Variants in ZNF423 observed in about 807,000 individuals in gnomAD.
ZNF423 encodes Ebf-associated zinc finger protein.
In ZNF423, 12 loss-of-function variants were observed where a neutral mutation model predicts 95.8. The ratio of observed to expected loss-of-function variants is 0.13; its 90% CI spans 0.08 to 0.20. The LOEUF is 0.20. Among genes scored for constraint, ZNF423 ranks in the 10% least tolerant of loss-of-function variants. The pLI, the probability that ZNF423 is intolerant of heterozygous loss-of-function variation, is 1.00. For missense variants in ZNF423, 1,316 were observed against 1,737.1 expected, an observed-to-expected ratio of 0.76 and a Z score of 4.31; for synonymous variants, 749 against 711.9, an observed-to-expected ratio of 1.05 and a Z score of -0.83.
intron 1 of ZNF423, among the ~76,000 whole-genome samples, chr16:49,816,481 G>A (rs914056441): frequency 6.6e-6 from 1 of 152,070 alleles, no homozygotes; most frequent in African/African-American, 2.4e-5. Context: ...GCTCTCCCTG[G>A]ATATTCTTTT....
intron 5 of ZNF423, among the ~76,000 whole-genome samples, chr16:49,582,699 T>G (rs951448552): frequency 6.6e-6 from 1 of 152,196 alleles, no homozygotes. Flanking sequence ...CAAGAGGGGT[T>G]AGAGAAGGAA....
chr16:49,521,929 C>G (rs908278788), intron 7 of ZNF423, among the ~76,000 whole-genome samples: 1 of 152,214 alleles, frequency 6.6e-6, no homozygotes, highest in African/African-American at 2.4e-5. Flanking sequence ...GCTGTGCAGA[C>G]AGGCGGGCCC....
At chr16:49,800,664 A>G (rs981768072) in intron 1 of ZNF423, among the ~76,000 whole-genome samples, 1 of 152,222 alleles carries the variant, frequency 6.6e-6, no homozygotes, top group Non-Finnish European at 1.5e-5. Context: ...ACTGAGCCCA[A>G]GTGGCATCTG....
At chr16:49,712,869 T>C (rs1309011068) in intron 3 of ZNF423, among the ~76,000 whole-genome samples, 1 of 152,206 alleles carries the variant, frequency 6.6e-6, no homozygotes, top group African/African-American at 2.4e-5. Flanking sequence ...ACTGCCATTG[T>C]CCCTATGAAG....
chr16:49,728,948 G>C (rs1363419039), intron 3 of ZNF423, among the ~76,000 whole-genome samples: 2 of 152,132 alleles, frequency 1.3e-5, no homozygotes, highest in African/African-American at 4.8e-5. Flanking sequence ...GGCCAGGCTG[G>C]TCTTGGACTG....
chr16:49,787,301 A>G (rs1248973700), intron 2 of ZNF423, among the ~76,000 whole-genome samples: 1 of 151,950 alleles, frequency 6.6e-6, no homozygotes, highest in Non-Finnish European at 1.5e-5. Context: ...AAAGAAAAAA[A>G]AAGAAAAAAC....
chr16:49,693,195 C>A lies in ZNF423; in HGVS notation c.301+37576G>T, dbSNP rs570165756. On this transcript the variant is annotated intron_variant, in intron 3 of 7. Coordinates refer to ENST00000563137, the MANE Select transcript of ZNF423 (RefSeq NM_001379286.1). ...CTTCCCCTTCCTACTTCCCTCCTTT[C>A]CATTCATCAAATATCTATTAAGCAT... Among the ~76,000 whole-genome samples, 6 of 152,350 alleles carry A rather than the reference C, an allele frequency of 3.9e-5. No individual in the cohort carries two copies. In the South Asian group the frequency reaches 1.2e-3, roughly 32 times the overall value.
chr16:49,795,539 T>C (rs906109956), intron 1 of ZNF423, among the ~76,000 whole-genome samples: 11 of 152,190 alleles, frequency 7.2e-5, no homozygotes, highest in Non-Finnish European at 1.3e-4. Flanking sequence ...TCATCAGAGA[T>C]GGGATCCTTC....
At chr16:49,849,703 A>G (rs2035281799) in intron 1 of ZNF423, among the ~76,000 whole-genome samples, 1 of 152,204 alleles carries the variant, frequency 6.6e-6, no homozygotes, top group South Asian at 2.1e-4. Context: ...TTAAAAAAGA[A>G]AGAAAACGAA....
chr16:49,767,342 C>T (rs1476657855), intron 2 of ZNF423, among the ~76,000 whole-genome samples: 3 of 152,060 alleles, frequency 2.0e-5, no homozygotes, highest in African/African-American at 4.8e-5. Context: ...CAGGGAAGGC[C>T]GGGGAAAGCA....
intron 2 of ZNF423, among the ~76,000 whole-genome samples, chr16:49,741,281 G>A (rs1405429543): frequency 6.6e-6 from 1 of 151,962 alleles, no homozygotes; most frequent in Non-Finnish European, 1.5e-5. Flanking sequence ...GATCATTTGA[G>A]GTCATGAGTT....
At chr16:49,811,825 G>A (rs1318940870) in intron 1 of ZNF423, among the ~76,000 whole-genome samples, 1 of 142,696 alleles carries the variant, frequency 7.0e-6, no homozygotes, top group Non-Finnish European at 1.5e-5. Flanking sequence ...CACCCAGCCT[G>A]GAACCCCAGA....
At chr16:49,613,954 C>T (rs1289030731) in intron 5 of ZNF423, among the ~76,000 whole-genome samples, 1 of 151,776 alleles carries the variant, frequency 6.6e-6, no homozygotes, top group East Asian at 1.9e-4. Flanking sequence ...ATTGACAAAT[C>T]TAATTAAACA....
chr16:49,715,651 G>A (rs544258158), intron 3 of ZNF423, among the ~76,000 whole-genome samples: 73 of 152,222 alleles, frequency 4.8e-4, no homozygotes, highest in African/African-American at 1.7e-3. Flanking sequence ...AGGCTGAGGT[G>A]GGAAGATGGC....
intron 5 of ZNF423, among the ~76,000 whole-genome samples, chr16:49,621,341 A>G (rs1344791381): frequency 6.6e-6 from 1 of 152,178 alleles, no homozygotes; most frequent in East Asian, 1.9e-4. Context: ...AAAGGTTTCC[A>G]AAGACCCTCG....
At chr16:49,788,393 T>G (rs2034353441) in intron 2 of ZNF423, among the ~76,000 whole-genome samples, 1 of 152,246 alleles carries the variant, frequency 6.6e-6, no homozygotes, top group Non-Finnish European at 1.5e-5. Context: ...CACTTTCTTG[T>G]CAACTCAGTT....
intron 1 of ZNF423, among the ~76,000 whole-genome samples, chr16:49,800,951 T>C (rs775252177): frequency 2.6e-5 from 4 of 151,658 alleles, no homozygotes; most frequent in African/African-American, 4.9e-5. Flanking sequence ...AGCCATGGGG[T>C]AGGAAAAGAA....
intron 2 of ZNF423, among the ~76,000 whole-genome samples, chr16:49,735,408 G>A (rs1238238030): frequency 1.3e-5 from 2 of 152,138 alleles, no homozygotes; most frequent in African/African-American, 4.8e-5. Flanking sequence ...GGGCTAATTT[G>A]TCTACTTTCT....
At chr16:49,785,087 G>GAGGC (rs2034288894) in intron 2 of ZNF423, among the ~76,000 whole-genome samples, 1 of 151,726 alleles carries the variant, frequency 6.6e-6, no homozygotes, top group Non-Finnish European at 1.5e-5. Context: ...AGTTATTTCA[G>GAGGC]AGGCAGGCAG....
Sources: allele counts gnomAD v4.1 joint callset (sites outside exome capture counted in the v4.1 genomes callset), GRCh38; gene constraint gnomAD v4.1.1; transcripts MANE v1.5; gene names NCBI Gene and HGNC (gene_info 2026-07-23, HGNC 2026-07-21).